Variants in RBM33 observed in about 807,000 individuals in gnomAD.
RBM33 encodes RNA-binding protein 33.
RBM33 carries 28 observed loss-of-function variants against 132.6 expected under a neutral mutation model. The ratio of observed to expected loss-of-function variants is 0.21; its 90% CI spans 0.16 to 0.29. The LOEUF is 0.29. Among genes scored for constraint, RBM33 ranks in the 10% least tolerant of loss-of-function variants. The pLI is 1.00. For synonymous variants in RBM33, 634 were observed against 593.0 expected (o/e 1.07, Z -1.01); for missense variants, 1,291 against 1,518.5 (o/e 0.85, Z 2.49).
In RBM33 at chr7:155,778,444, G is replaced by A. The variant is rs1383380389; in HGVS notation, c.*3403G>A. ...GGATGGACAGACCCAGGTGAGGAGA[G>A]GCCTGGGGATTGGGGAAGCTGTCAT... is the stretch of plus-strand genomic sequence containing the variant. On this transcript the variant is annotated 3_prime_UTR_variant, in exon 18 of 18. Coordinates refer to ENST00000401878, the MANE Select transcript of RBM33 (RefSeq NM_053043.3). The surrounding 1 kb of genome is among the most constrained non-coding windows in gnomAD (Gnocchi z 4.0). The A allele has an allele frequency of 6.6e-6, 1 of 152,318 alleles. No individual in the cohort carries two copies. The highest frequency in any genetic ancestry group is 1.5e-5 in the Non-Finnish European group (1 of 68,112). The allele number at this position is 152,318 out of a possible 1,614,324, so 9.4% of individuals were successfully genotyped here. A position where few individuals can be genotyped will look rare whatever the true frequency, so the allele number is the denominator to read the frequency against.
intron 6 of RBM33, among the ~76,000 whole-genome samples, chr7:155,704,240 T>C (rs943825955): frequency 6.6e-6 from 1 of 152,230 alleles, no homozygotes; most frequent in African/African-American, 2.4e-5. Flanking sequence ...AATTCTGGGC[T>C]TTCATCTAGG....
chr7:155,659,903 C>T (rs1313280755), intron 1 of RBM33, among the ~76,000 whole-genome samples: 3 of 152,158 alleles, frequency 2.0e-5, no homozygotes, highest in African/African-American at 4.8e-5. Context: ...CATTCCTTGG[C>T]TTATGGCAGC....
chr7:155,718,524 G>C lies in RBM33; in HGVS notation c.1260+81G>C, dbSNP rs76032843. The C allele has an allele frequency of 7.1e-6, 8 of 1,120,274 alleles. No homozygotes were observed. In the East Asian group the frequency reaches 1.9e-4, roughly 27 times the overall value. The allele number at this position is 1,120,274 out of a possible 1,614,324, so 69.4% of individuals were successfully genotyped here. On this transcript the variant is annotated intron_variant, in intron 9 of 17. Transcript: ENST00000401878. Reference sequence around the variant, plus strand: ...AATATTAATATAGCAAGTGCAAGAGGTTCCAGCCAAATATAATTTTAAGGA... The same window carrying C: ...AATATTAATATAGCAAGTGCAAGAGCTTCCAGCCAAATATAATTTTAAGGA...
intron 15 of RBM33, among the ~76,000 whole-genome samples, chr7:155,765,757 C>T (rs1802194730): frequency 6.6e-6 from 1 of 152,166 alleles, no homozygotes; most frequent in South Asian, 2.1e-4. Context: ...TTAAAAGTTC[C>T]TTGAGCAGTA....
intron 9 of RBM33, among the ~76,000 whole-genome samples, chr7:155,729,082 A>G (rs1563163975): frequency 6.6e-6 from 1 of 151,982 alleles, no homozygotes; most frequent in Non-Finnish European, 1.5e-5. Flanking sequence ...GAAACTTACA[A>G]TCATGACAGG....
At chr7:155,710,676 T>C (rs1458405385) in intron 7 of RBM33, among the ~76,000 whole-genome samples, 2 of 152,118 alleles carry the variant, frequency 1.3e-5, no homozygotes, top group African/African-American at 4.8e-5. Flanking sequence ...CGAGTTCAGG[T>C]GTCACCCTCT....
chr7:155,662,962 C>A (rs970727974), intron 1 of RBM33, among the ~76,000 whole-genome samples: 6 of 152,160 alleles, frequency 3.9e-5, no homozygotes, highest in African/African-American at 1.4e-4. Flanking sequence ...TGGTTTAAAA[C>A]CCATTAATTC....
At chr7:155,675,890 A>G (rs921390685) in intron 3 of RBM33, among the ~76,000 whole-genome samples, 3 of 152,172 alleles carry the variant, frequency 2.0e-5, no homozygotes, top group African/African-American at 7.2e-5. Context: ...TCCCTGTTCG[A>G]TACTACTTTT....
chr7:155,740,807 G>A (rs562758424), intron 12 of RBM33, among the ~76,000 whole-genome samples: 7 of 152,016 alleles, frequency 4.6e-5, no homozygotes, highest in Non-Finnish European at 8.8e-5. Context: ...TTTGTAATTT[G>A]GCTTTTAGGA....
chr7:155,665,632 T>C (rs1208843916), intron 2 of RBM33, among the ~76,000 whole-genome samples: 5 of 152,236 alleles, frequency 3.3e-5, no homozygotes, highest in Non-Finnish European at 5.9e-5. Context: ...TTCTAATATG[T>C]GTAGATGGTA....
chr7:155,720,023 T>C (rs1563159664), intron 9 of RBM33, among the ~76,000 whole-genome samples: 1 of 152,028 alleles, frequency 6.6e-6, no homozygotes, highest in Non-Finnish European at 1.5e-5. Flanking sequence ...AAGAGGATAA[T>C]AAAAGAACAT....
At chr7:155,657,820 A>T (rs1248188005) in intron 1 of RBM33, among the ~76,000 whole-genome samples, 2 of 152,224 alleles carry the variant, frequency 1.3e-5, no homozygotes, top group African/African-American at 4.8e-5. Flanking sequence ...TAGATAGGGA[A>T]TGCTCCTTGT....
In RBM33 at chr7:155,706,928, C is replaced by T. The variant is rs201031900; in HGVS notation, c.808C>T (p.Arg270Cys). 12 of 1,606,712 alleles carry T rather than the reference C, an allele frequency of 7.5e-6. No individual in the cohort carries two copies. Among genetic ancestry groups the T allele is most frequent in the East Asian group, 2.2e-5 (1 of 44,700 alleles). ...EERERQHKQG[R>C]YSSRRGGRRG... is the part of the protein sequence containing the mutation. The stretch of plus-strand genomic sequence containing the variant: ...AAGGGAGCGACAGCATAAACAAGGA[C>T]GCTACAGCTCCAGGCGGGGAGGACG... The change falls in exon 7 of 18, where the codon CGC becomes TGC. Residue 270 changes from arginine to cysteine, a missense_variant. This residue lies in a region of RBM33 where 34 missense variants were observed against 46.5 expected (regional missense o/e 0.73). Coordinates refer to ENST00000401878, the MANE Select transcript of RBM33 (RefSeq NM_053043.3).
intron 1 of RBM33, among the ~76,000 whole-genome samples, chr7:155,650,337 G>A (rs1223616123): frequency 1.3e-5 from 2 of 152,166 alleles, no homozygotes; most frequent in Non-Finnish European, 2.9e-5. Flanking sequence ...CTGCCTCTGA[G>A]CTGTGAAACG....
At chr7:155,680,258 C>G (rs1295975403) in intron 4 of RBM33, among the ~76,000 whole-genome samples, 3 of 152,154 alleles carry the variant, frequency 2.0e-5, no homozygotes, top group Non-Finnish European at 2.9e-5. Context: ...CAGTCTTGGA[C>G]TTTTGCCACT....
At chr7:155,740,914 A>G (rs1801311088) in intron 12 of RBM33, among the ~76,000 whole-genome samples, 1 of 152,134 alleles carries the variant, frequency 6.6e-6, no homozygotes, top group African/African-American at 2.4e-5. Context: ...AAAAAGAGAC[A>G]CAGTGTGGTC....
At position 155,775,432 on chromosome 7, in the gene RBM33, A is replaced by G; in HGVS notation, c.*391A>G. On this transcript the variant is annotated 3_prime_UTR_variant, in exon 18 of 18. Transcript: ENST00000401878. ...CTAAGTAGTTTTCACAGCAAAGAAT[A>G]TTTGATAATGGTTGCACTTATCTTC... 2.9e-6 allele frequency: 1 copy of G among 347,110 alleles called. No individual in the cohort carries two copies. Among genetic ancestry groups the G allele is most frequent in the South Asian group, 2.8e-5 (1 of 36,360 alleles). 21.5% of individuals were successfully genotyped at this position (347,110 alleles called of 1,614,324 possible). A position where few individuals can be genotyped will look rare whatever the true frequency, so the allele number is the denominator to read the frequency against.
intron 8 of RBM33, among the ~76,000 whole-genome samples, chr7:155,717,031 T>TA (rs536886777): frequency 2.8e-4 from 43 of 151,788 alleles, no homozygotes; most frequent in South Asian, 1.7e-3. Flanking sequence ...GTAATCATAG[T>TA]AAAAAAAAAG....
In RBM33 at chr7:155,775,292, G is replaced by T; in HGVS notation, c.*251G>T. ...CACCACCAAGAACTCCAAGTTTTTC[G>T]TTTTGTTTTGTTTTCAAAGTGCTTA... On this transcript the variant is annotated 3_prime_UTR_variant, in exon 18 of 18. Coordinates refer to ENST00000401878, the MANE Select transcript of RBM33 (RefSeq NM_053043.3). 1.6e-6 allele frequency: 1 copy of T among 607,336 alleles called. No individual in the cohort carries two copies. Among genetic ancestry groups the T allele is most frequent in the Non-Finnish European group, 3.0e-6 (1 of 336,482 alleles). The allele number at this position is 607,336 out of a possible 1,614,324, so 37.6% of individuals were successfully genotyped here.
Sources: allele counts gnomAD v4.1 joint callset (sites outside exome capture counted in the v4.1 genomes callset), GRCh38; gene constraint gnomAD v4.1.1; regional missense constraint gnomAD v4.1.1; non-coding constraint Gnocchi (gnomAD v3.1); transcripts MANE v1.5; gene names NCBI Gene and HGNC (gene_info 2026-07-23, HGNC 2026-07-21).